Variants in ERC1 observed in about 807,000 individuals in gnomAD.
ERC1 encodes ELKS/RAB6-interacting/CAST family member 1, also known as RAB6 interacting protein 2.
ERC1 carries 56 observed loss-of-function variants against 132.0 expected under a neutral mutation model. The ratio of observed to expected loss-of-function variants is 0.42; its 90% CI spans 0.34 to 0.53. The LOEUF (loss-of-function observed/expected upper bound fraction) is 0.53. Ranked by LOEUF, ERC1 falls within the 20% of genes least tolerant of loss-of-function variation. The pLI is 0.03. For synonymous variants in ERC1, 478 were observed against 476.1 expected (o/e 1.00, Z -0.05); for missense variants, 1,202 against 1,349.9 (o/e 0.89, Z 1.72).
chr12:1,373,625 C>CA (rs368070754), intron 16 of ERC1, among the ~76,000 whole-genome samples: 2 of 152,102 alleles, frequency 1.3e-5, no homozygotes, highest in African/African-American at 4.8e-5. Context: ...ACTAAAAATA[C>CA]AAAAATTAGC....
intron 1 of ERC1, chr12:1,020,589 TGACTG>T (rs1403459402): frequency 6.6e-6 from 1 of 152,228 alleles, no homozygotes; most frequent in East Asian, 1.9e-4. Context: ...TTTCAATTCT[TGACTG>T]GGATTGGAGG....
intron 17 of ERC1, among the ~76,000 whole-genome samples, chr12:1,432,463 G>A (rs947588962): frequency 6.6e-6 from 1 of 152,196 alleles, no homozygotes; most frequent in Non-Finnish European, 1.5e-5. Flanking sequence ...GCATGTGGTG[G>A]CATTAAAATG....
At chr12:1,447,976 T>C (rs2093344697) in intron 18 of ERC1, among the ~76,000 whole-genome samples, 1 of 152,114 alleles carries the variant, frequency 6.6e-6, no homozygotes, top group Non-Finnish European at 1.5e-5. Flanking sequence ...GGAAAAGATA[T>C]TTTTGCTCAG....
chr12:1,419,360 C>T (rs959314773), intron 17 of ERC1, among the ~76,000 whole-genome samples: 14 of 151,712 alleles, frequency 9.2e-5, no homozygotes, highest in African/African-American at 2.7e-4. Flanking sequence ...CAAAATTATA[C>T]GTCCTGGATA....
At chr12:1,431,905 T>C (rs888883521) in intron 17 of ERC1, among the ~76,000 whole-genome samples, 6 of 152,228 alleles carry the variant, frequency 3.9e-5, no homozygotes, top group Non-Finnish European at 8.8e-5. Context: ...TTTTGGTTTT[T>C]GTTTGTTTTT....
At chr12:1,388,768 A>C (rs998262586) in intron 16 of ERC1, among the ~76,000 whole-genome samples, 1 of 152,226 alleles carries the variant, frequency 6.6e-6, no homozygotes, top group Non-Finnish European at 1.5e-5. Flanking sequence ...CAGTTGCCCA[A>C]ATATGAAATG....
chr12:1,142,620 C>A (rs532787473), intron 8 of ERC1, among the ~76,000 whole-genome samples: 1 of 152,266 alleles, frequency 6.6e-6, no homozygotes, highest in South Asian at 2.1e-4. Flanking sequence ...TGTTATATTC[C>A]CACATACTTG....
chr12:1,074,642 A>G (rs1213807866), intron 2 of ERC1, among the ~76,000 whole-genome samples: 1 of 152,214 alleles, frequency 6.6e-6, no homozygotes, highest in African/African-American at 2.4e-5. Context: ...GTGGTAGCAT[A>G]AAGATGGATT....
chr12:1,440,453 T>G (rs113953605), intron 17 of ERC1, among the ~76,000 whole-genome samples: 22,095 of 144,874 alleles, frequency 0.15, 2,087 homozygotes, highest in African/African-American at 0.22. Flanking sequence ...TGATCTGCCC[T>G]CCTTGGCCTC....
chr12:1,049,056 G>A (rs1221689843), intron 2 of ERC1, among the ~76,000 whole-genome samples: 2 of 152,298 alleles, frequency 1.3e-5, no homozygotes, highest in Admixed American at 6.5e-5. Context: ...ATTTCATAAA[G>A]CTACTGTGCA....
chr12:1,221,654 G>A (rs1037084543), intron 12 of ERC1, among the ~76,000 whole-genome samples: 3 of 151,988 alleles, frequency 2.0e-5, no homozygotes, highest in Non-Finnish European at 1.5e-5. Context: ...ATAGTCAAAA[G>A]CATTTTAATT....
At chr12:1,211,588 T>A (rs1957879356) in intron 12 of ERC1, among the ~76,000 whole-genome samples, 1 of 152,122 alleles carries the variant, frequency 6.6e-6, no homozygotes, top group Non-Finnish European at 1.5e-5. Context: ...AGATGGAGTT[T>A]CGCTTTTGTC....
In ERC1 at chr12:1,052,999, C is replaced by A. The variant is rs200780264; in HGVS notation, c.669+24427C>A. On this transcript the variant is annotated intron_variant, in intron 2 of 18. Transcript: ENST00000360905. ...AAAAAAAAAAATTGTCAGCTGCAAT[C>A]ATTTTATCCTGTTTTTCTGTTTGAA... Among the ~76,000 whole-genome samples, 15 of 151,780 alleles carry A rather than the reference C, an allele frequency of 9.9e-5. 2 individuals carry two copies. In the East Asian group the frequency reaches 2.9e-3, roughly 29 times the overall value.
chr12:1,273,783 A>T (rs1040742884), intron 14 of ERC1, among the ~76,000 whole-genome samples: 1 of 152,210 alleles, frequency 6.6e-6, no homozygotes, highest in Non-Finnish European at 1.5e-5. Flanking sequence ...AGACAGATAG[A>T]TACATGGATA....
At chr12:1,004,573 A>AT (rs1359688239) in intron 1 of ERC1, among the ~76,000 whole-genome samples, 1 of 151,250 alleles carries the variant, frequency 6.6e-6, no homozygotes, top group South Asian at 2.1e-4. Flanking sequence ...CACCCAGCTG[A>AT]TTTTTGTATT....
Position 1,491,087 on chromosome 12 carries a change from TAAAAAG to T in ERC1, c.*859_*864del. Reference sequence around the variant, plus strand: ...GCGTGACCCTGTCTCTACAAAAAATTAAAAAGAGAACATACAAAGTTGACATATGAG... The same window carrying T: ...GCGTGACCCTGTCTCTACAAAAAATTAGAACATACAAAGTTGACATATGAG... On this transcript the variant is annotated 3_prime_UTR_variant, in exon 19 of 19. Transcript: ENST00000360905. 2 of 232,710 alleles carry T rather than the reference TAAAAAG, an allele frequency of 8.6e-6. No individual in the cohort carries two copies. Among genetic ancestry groups the T allele is most frequent in the Non-Finnish European group, 1.7e-5 (2 of 117,740 alleles). The allele number at this position is 232,710 out of a possible 1,614,324, so 14.4% of individuals were successfully genotyped here. A position where few individuals can be genotyped will look rare whatever the true frequency, so the allele number is the denominator to read the frequency against.
At chr12:1,261,007 G>A (rs897459152) in intron 13 of ERC1, among the ~76,000 whole-genome samples, 2 of 152,060 alleles carry the variant, frequency 1.3e-5, no homozygotes, top group Admixed American at 6.5e-5. Flanking sequence ...TTTCACTGCC[G>A]GCTTCAGGTA....
At chr12:1,065,914 A>T (rs961781115) in intron 2 of ERC1, among the ~76,000 whole-genome samples, 8 of 152,220 alleles carry the variant, frequency 5.3e-5, no homozygotes, top group African/African-American at 1.7e-4. Context: ...AGCCAGATAC[A>T]AAAGATCACT....
At chr12:1,333,790 A>C (rs1400258508) in intron 15 of ERC1, among the ~76,000 whole-genome samples, 1 of 152,182 alleles carries the variant, frequency 6.6e-6, no homozygotes, top group Admixed American at 6.5e-5. Flanking sequence ...TGCTGGGTCA[A>C]ATGGTATTTC....
Sources: allele counts gnomAD v4.1 joint callset (sites outside exome capture counted in the v4.1 genomes callset), GRCh38; gene constraint gnomAD v4.1.1; transcripts MANE v1.5; gene names NCBI Gene and HGNC (gene_info 2026-07-23, HGNC 2026-07-21).